Variants in KCNQ1OT1 observed in about 807,000 individuals in gnomAD.
The protein encoded by KCNQ1OT1 is KCNQ1 opposite strand/antisense transcript 1, also known as KCNQ1 antisense RNA 2 (non-protein coding).
exon 1 of KCNQ1OT1, chr11:2,699,900 G>A: frequency 2.5e-6 from 1 of 398,042 alleles, no homozygotes; most frequent in Non-Finnish European, 4.4e-6. Flanking sequence ...CACGCTGAGA[G>A]GCACCCCGGC....
At chr11:2,684,472 G>T (rs1850450949) in exon 1 of KCNQ1OT1, 7 of 398,682 alleles carry the variant, frequency 1.8e-5, no homozygotes, top group Non-Finnish European at 3.1e-5. Context: ...CTATGCTCCA[G>T]AACTTTCTGG....
exon 1 of KCNQ1OT1, chr11:2,631,429 T>C: frequency 2.5e-6 from 1 of 398,598 alleles, no homozygotes; most frequent in East Asian, 3.6e-5. Context: ...AATGTTTGTT[T>C]TTTTTTTAGG....
chr11:2,622,439 T>C (rs977437371), exon 1 of KCNQ1OT1: 9 of 398,316 alleles, frequency 2.3e-5, no homozygotes, highest in African/African-American at 1.9e-4. Flanking sequence ...CTTGTGTCTT[T>C]AGACCAAAAG....
chr11:2,675,162 T>G (rs1850270165), exon 1 of KCNQ1OT1: 2 of 398,498 alleles, frequency 5.0e-6, no homozygotes, highest in Non-Finnish European at 8.8e-6. Flanking sequence ...GAGGTAGTGC[T>G]CTAGCGGGGA....
chr11:2,630,735 A>T (rs1433094726), exon 1 of KCNQ1OT1: 2 of 398,458 alleles, frequency 5.0e-6, no homozygotes, highest in Admixed American at 8.8e-5. Flanking sequence ...AAGCCTGAAT[A>T]ACTCCCTCTG....
exon 1 of KCNQ1OT1, chr11:2,648,127 C>T: frequency 5.1e-6 from 2 of 394,592 alleles, no homozygotes; most frequent in Non-Finnish European, 8.9e-6. Flanking sequence ...ATTGCTTGAG[C>T]CCAGGAAGCA....
chr11:2,665,968 C>T (rs1850059717), exon 1 of KCNQ1OT1: 1 of 398,532 alleles, frequency 2.5e-6, no homozygotes, highest in Non-Finnish European at 4.4e-6. Context: ...ACTGCATCCC[C>T]AACTGCCAAG....
In KCNQ1OT1 at chr11:2,683,458, G is replaced by T. The variant is rs1850431882; in HGVS notation, n.16537C>A. On this transcript the variant is annotated non_coding_transcript_exon_variant, in exon 1 of 1. Transcript: ENST00000597346. The surrounding 1 kb of genome is among the most constrained non-coding windows in gnomAD (Gnocchi z 4.7). ...CTGGAAAAATGTAGGAATTACATAT[G>T]ATTCCATCAATGACAGTTTTCCTAT... 1 of 398,626 alleles carries T rather than the reference G, an allele frequency of 2.5e-6. No individual in the cohort carries two copies. The highest frequency in any genetic ancestry group is 4.4e-6 in the Non-Finnish European group (1 of 226,074). The allele number at this position is 398,626 out of a possible 1,614,324, so 24.7% of individuals were successfully genotyped here.
chr11:2,633,840 T>G (rs1849404680), exon 1 of KCNQ1OT1: 2 of 398,572 alleles, frequency 5.0e-6, no homozygotes. Flanking sequence ...AGTCCCAGAG[T>G]CAGCCCTGTG....
exon 1 of KCNQ1OT1, chr11:2,631,749 T>C: frequency 2.5e-6 from 1 of 398,672 alleles, no homozygotes; most frequent in Non-Finnish European, 4.4e-6. Flanking sequence ...ATACTCTTCT[T>C]GCAGCTCCAT....
At chr11:2,666,726 A>G (rs1394516703) in exon 1 of KCNQ1OT1, 1 of 398,656 alleles carries the variant, frequency 2.5e-6, no homozygotes, top group African/African-American at 2.1e-5. Context: ...ACCTACTCCC[A>G]CAGACCCCAG....
At chr11:2,619,753 T>C (rs1849133600) in exon 1 of KCNQ1OT1, 1 of 398,350 alleles carries the variant, frequency 2.5e-6, no homozygotes, top group South Asian at 1.3e-4. Flanking sequence ...CTGCATTTTT[T>C]TGGAAGAGTT....
chr11:2,683,067 A>C lies in KCNQ1OT1; in HGVS notation n.16928T>G. 1 of 398,690 alleles carries C rather than the reference A, an allele frequency of 2.5e-6. No homozygotes were observed. The highest frequency in any genetic ancestry group is 6.3e-4 in the Middle Eastern group (1 of 1,590). The allele number at this position is 398,690 out of a possible 1,614,324, so 24.7% of individuals were successfully genotyped here. On this transcript the variant is annotated non_coding_transcript_exon_variant, in exon 1 of 1. Coordinates refer to ENST00000597346, the Ensembl canonical transcript of KCNQ1OT1. This position sits in a 1 kb window ranked among gnomAD's most constrained non-coding sequence, Gnocchi z 4.7. ...ACTTCTTACAGGCAAGGCTCTTGCT[A>C]GCCTGAGGACCAGGAGCCTTCAGAT...
In KCNQ1OT1 at chr11:2,690,220, G is replaced by T; in HGVS notation, n.9775C>A. ...TAAACTCTGCTGTGTCAAGTGCCTG[G>T]TGACCTCAAGCAAGTCATTCCATGT... On this transcript the variant is annotated non_coding_transcript_exon_variant, in exon 1 of 1. Coordinates refer to ENST00000597346, the Ensembl canonical transcript of KCNQ1OT1. The surrounding 1 kb of genome is among the most constrained non-coding windows in gnomAD (Gnocchi z 5.1). 2 of 398,778 alleles carry T rather than the reference G, an allele frequency of 5.0e-6. No individual in the cohort carries two copies. The highest frequency in any genetic ancestry group is 8.8e-6 in the Non-Finnish European group (2 of 226,164). The allele number at this position is 398,778 out of a possible 1,614,324, so 24.7% of individuals were successfully genotyped here.
At position 2,658,169 on chromosome 11, in the gene KCNQ1OT1, GA is replaced by G. The variant is rs2133851360; in HGVS notation, n.41825del. 1 of 398,594 alleles carries G rather than the reference GA, an allele frequency of 2.5e-6. No individual in the cohort carries two copies. Among genetic ancestry groups the G allele is most frequent in the Admixed American group, 4.4e-5 (1 of 22,742 alleles). 24.7% of individuals were successfully genotyped at this position (398,594 alleles called of 1,614,324 possible). ...AGCAATTAAAATACATTTCAAGGAA[GA>G]AACTGTGAAGTTTCTGAGTTTCACT... On this transcript the variant is annotated non_coding_transcript_exon_variant, in exon 1 of 1. Coordinates refer to ENST00000597346, the Ensembl canonical transcript of KCNQ1OT1. This position sits in a 1 kb window ranked among gnomAD's most constrained non-coding sequence, Gnocchi z 4.9.
chr11:2,653,342 G>A lies in KCNQ1OT1; in HGVS notation n.46653C>T. On this transcript the variant is annotated non_coding_transcript_exon_variant, in exon 1 of 1. Coordinates refer to ENST00000597346, the Ensembl canonical transcript of KCNQ1OT1. The surrounding 1 kb of genome is among the most constrained non-coding windows in gnomAD (Gnocchi z 5.3). Reference sequence around the variant, plus strand: ...GACTGCCCCCAGGCCCATGTCCGTAGGCTCACACCTCACCCCCAACTTTGT... The same window carrying A: ...GACTGCCCCCAGGCCCATGTCCGTAAGCTCACACCTCACCCCCAACTTTGT... 1 of 398,704 alleles carries A rather than the reference G, an allele frequency of 2.5e-6. No homozygotes were observed. Among genetic ancestry groups the A allele is most frequent in the Non-Finnish European group, 4.4e-6 (1 of 226,120 alleles). The allele number at this position is 398,704 out of a possible 1,614,324, so 24.7% of individuals were successfully genotyped here.
chr11:2,690,958 G>A lies in KCNQ1OT1; in HGVS notation n.9037C>T, dbSNP rs575646343. 61 of 398,656 alleles carry A rather than the reference G, an allele frequency of 1.5e-4. No individual in the cohort carries two copies. In the Admixed American group the frequency reaches 2.5e-3, roughly 16 times the overall value. 24.7% of individuals were successfully genotyped at this position (398,656 alleles called of 1,614,324 possible). On this transcript the variant is annotated non_coding_transcript_exon_variant, in exon 1 of 1. Transcript: ENST00000597346. The surrounding 1 kb of genome is among the most constrained non-coding windows in gnomAD (Gnocchi z 5.1). ...CCTGAAAGGTTCATTTGGGAGTCACGGGTATGTGTCAACAAAAGCCCACCA... is the reference window on the plus strand; with the variant it reads ...CCTGAAAGGTTCATTTGGGAGTCACAGGTATGTGTCAACAAAAGCCCACCA...
At position 2,692,411 on chromosome 11, in the gene KCNQ1OT1, T is replaced by C. The variant is rs1246361783; in HGVS notation, n.7584A>G. ...CCATTCCAATCAATTATCTACTCAG[T>C]GGACAGACATCCTTTCAAAGTTTAG... On this transcript the variant is annotated non_coding_transcript_exon_variant, in exon 1 of 1. Transcript: ENST00000597346. 4.3e-5 allele frequency: 17 copies of C among 398,624 alleles called. No homozygotes were observed. The East Asian group carries it at 6.0e-4, about 14-fold the overall frequency. The allele number at this position is 398,624 out of a possible 1,614,324, so 24.7% of individuals were successfully genotyped here.
At position 2,673,645 on chromosome 11, in the gene KCNQ1OT1, G is replaced by T. The variant is rs1043624372; in HGVS notation, n.26350C>A. The stretch of plus-strand genomic sequence containing the variant: ...CCTTGCTACTGCTGATGACCACCCT[G>T]ACTCATGTCCCTTGTCTGCATAGGT... On this transcript the variant is annotated non_coding_transcript_exon_variant, in exon 1 of 1. Transcript: ENST00000597346. The surrounding 1 kb of genome is among the most constrained non-coding windows in gnomAD (Gnocchi z 4.5). 3 of 398,626 alleles carry T rather than the reference G, an allele frequency of 7.5e-6. No homozygotes were observed. The highest frequency in any genetic ancestry group is 1.3e-5 in the Non-Finnish European group (3 of 226,154). 24.7% of individuals were successfully genotyped at this position (398,626 alleles called of 1,614,324 possible).
Sources: gnomAD v4.1 joint callset for allele counts on GRCh38, gnomAD v4.1.1 for gene constraint, Gnocchi (gnomAD v3.1) non-coding constraint, MANE v1.5 for transcripts, NCBI Gene and HGNC (gene_info 2026-07-23, HGNC 2026-07-21) for gene names.